Variants in CENPE observed in about 807,000 individuals in gnomAD.
CENPE encodes centromere-associated protein E.
CENPE carries 145 observed loss-of-function variants against 336.1 expected under a neutral mutation model. The observed-to-expected ratio is 0.43, with a 90% CI of 0.38 to 0.50. The LOEUF is 0.50. Among genes scored for constraint, CENPE ranks in the 20% least tolerant of loss-of-function variants. The pLI is 0.00. For synonymous variants in CENPE, 1,013 were observed against 984.8 expected, an observed-to-expected ratio of 1.03 and a Z score of -0.54; for missense variants, 2,719 against 3,023.3, an observed-to-expected ratio of 0.90 and a Z score of 2.36.
chr4:103,158,511 T>C (rs1437191717), intron 23 of CENPE, 53 bp from the exon 24 acceptor site: 34 of 1,508,176 alleles, frequency 2.3e-5, no homozygotes, highest in Non-Finnish European at 3.0e-5. Context: ...AACAAAATTA[T>C]TTTGTAGCTA....
intron 45 of CENPE, among the ~76,000 whole-genome samples, chr4:103,115,430 G>A (rs916155934): frequency 5.9e-5 from 9 of 152,112 alleles, no homozygotes; most frequent in South Asian, 2.1e-4. Context: ...CACCGTGCCC[G>A]GCCCTGCTGA....
rs1162570494 is a variant in CENPE, at chr4:103,133,807, T to A, written c.6608A>T (p.Glu2203Val). 2 of 1,607,330 alleles carry A rather than the reference T, an allele frequency of 1.2e-6. No individual in the cohort carries two copies. Among genetic ancestry groups the A allele is most frequent in the African/African-American group, 2.7e-5 (2 of 74,806 alleles). Residue 2203 changes from glutamate (E) to valine (V), a missense_variant, in exon 41 of 49, where the codon GAA becomes GTA. Glu to Val is a moderately radical substitution (Grantham distance 121). Around this residue, in one of 5 missense-constraint regions of CENPE, gnomAD observed 2,437 missense variants for 2,513.3 expected, o/e 0.97. Transcript: ENST00000265148. Reference sequence around the variant, plus strand: ...TTTAATTAGCAATTCCTTTTGCTTTTCCACTTCATCAATAAAATCCATTTC... The same window carrying A: ...TTTAATTAGCAATTCCTTTTGCTTTACCACTTCATCAATAAAATCCATTTC... ...KFEMDFIDEV[E>V]KQKELLIKIQ...
chr4:103,140,341 A>T lies in CENPE; in HGVS notation c.5828T>A (p.Leu1943His), dbSNP rs1752437985. ...TGTCTTTTCTGAAATTTTTTCTCTAAGTTTATCAACAGTTTCTTTGTGTTC... is the reference window on the plus strand; with the variant it reads ...TGTCTTTTCTGAAATTTTTTCTCTATGTTTATCAACAGTTTCTTTGTGTTC... ...SKEHKETVDK[L>H]REKISEKTIQ... Residue 1943 changes from leucine (L) to histidine (H), a missense_variant, in exon 37 of 49, where the codon CTT becomes CAT. Physicochemically the swap from Leu to His is moderately conservative, Grantham distance 99. Transcript: ENST00000265148. The T allele has an allele frequency of 6.2e-7, 1 of 1,607,106 alleles. No homozygotes were observed. Among genetic ancestry groups the T allele is most frequent in the Admixed American group, 1.7e-5 (1 of 59,452 alleles).
At chr4:103,186,909 C>T (rs1404257725) in intron 8 of CENPE, among the ~76,000 whole-genome samples, 3 of 152,068 alleles carry the variant, frequency 2.0e-5, no homozygotes, top group Admixed American at 6.6e-5. Flanking sequence ...AACACTTAGT[C>T]ACAAAGCAGA....
In CENPE at chr4:103,138,448, T is replaced by C. The variant is rs764908779; in HGVS notation, c.6206A>G (p.Asp2069Gly). 12 of 1,611,212 alleles carry C rather than the reference T, an allele frequency of 7.4e-6. No homozygotes were observed. In the African/African-American group the frequency reaches 1.5e-4, roughly 20 times the overall value. The change falls in exon 39 of 49, where the codon GAC (aspartate) becomes GGC (glycine). Residue 2069 changes from aspartate (D) to glycine (G), a missense_variant and splice_region_variant. This residue lies in a region of CENPE where 2,437 missense variants were observed against 2,513.3 expected (regional missense o/e 0.97). Transcript: ENST00000265148. ...AGGTTTTACTTGGTGGTTCTGTCGGTCCTGCTTTGGTAAAAAGAAAATAAA... is the reference window on the plus strand; with the variant it reads ...AGGTTTTACTTGGTGGTTCTGTCGGCCCTGCTTTGGTAAAAAGAAAATAAA... ...IATLREMIAR[D>G]RQNHQVKPEK... is the part of the protein sequence containing the mutation.
rs981186715 is a variant in CENPE, at chr4:103,138,420, T to C, written c.6234A>G (p.Glu2078=). 2.5e-6 allele frequency: 4 copies of C among 1,613,666 alleles called. No homozygotes were observed. The highest frequency in any genetic ancestry group is 2.7e-5 in the African/African-American group (2 of 74,920). ...GTTGTCCATCACTTAGTAACCTTTT[T>C]TCAGGTTTTACTTGGTGGTTCTGTC... ...RDRQNHQVKP[E]KRLLSDGQQH... is the part of the protein sequence containing the mutation. The change falls in exon 39 of 49, where the codon GAA becomes GAG. Residue 2078 remains glutamate (E), a synonymous_variant. Coordinates refer to ENST00000265148, the MANE Select transcript of CENPE (RefSeq NM_001813.3).
chr4:103,178,216 T>C (rs1443662476), intron 13 of CENPE, among the ~76,000 whole-genome samples: 1 of 152,080 alleles, frequency 6.6e-6, no homozygotes, highest in African/African-American at 2.4e-5. Context: ...TTCAAGACCT[T>C]TATCAGCCTC....
chr4:103,116,666 C>T lies in CENPE; in HGVS notation c.7353G>A (p.Lys2451=), dbSNP rs199627155. The T allele has an allele frequency of 6.3e-7, 1 of 1,582,740 alleles. No homozygotes were observed. The highest frequency in any genetic ancestry group is 1.9e-5 in the Admixed American group (1 of 53,440). ...GATCTTCAATTTCTTCTTTATATGG[C>T]TTAGCTCCTAAAGCAACTTTGTCCT... The part of the protein sequence containing the change: ...VLQDKVALGA[K]PYKEEIEDLK... Residue 2451 remains lysine, a synonymous_variant, in exon 45 of 49, where the codon AAG becomes AAA. Transcript: ENST00000265148.
intron 8 of CENPE, among the ~76,000 whole-genome samples, chr4:103,193,938 T>G (rs1757550054): frequency 6.6e-6 from 1 of 151,950 alleles, no homozygotes; most frequent in Admixed American, 6.6e-5. Flanking sequence ...TAGAAAAAAA[T>G]TCTACTGCAT....
rs72665048 is a variant in CENPE, at chr4:103,108,582, G to C, written c.8011+221C>G. On this transcript the variant is annotated intron_variant, in intron 48 of 48. Transcript: ENST00000265148. ...TTTGGACGAAACTAAAGGCTTAAAG[G>C]GTAGACTAAAGACTTCACTTGGGGT... Among the ~76,000 whole-genome samples the C allele has an allele frequency of 0.15, 22,220 of 146,592 alleles. 1,942 individuals carry two copies. The highest frequency in any genetic ancestry group is 0.31 in the South Asian group (1,465 of 4,726).
chr4:103,163,242 T>G lies in CENPE; in HGVS notation c.1737A>C (p.Ser579=). Residue 579 remains serine, a synonymous_variant, in exon 18 of 49, where the codon TCA becomes TCC. Coordinates refer to ENST00000265148, the MANE Select transcript of CENPE (RefSeq NM_001813.3). The part of the protein sequence containing the change: ...YNQDLENELS[S]KVELLREKED... The stretch of plus-strand genomic sequence containing the variant: ...CCTTTTCTCTAAGCAGCTCTACTTT[T>G]GAACTGAGTTCATTCTAAAAGAATC... 1.2e-6 allele frequency: 2 copies of G among 1,608,514 alleles called. No homozygotes were observed. Among genetic ancestry groups the G allele is most frequent in the Admixed American group, 1.7e-5 (1 of 59,578 alleles).
At chr4:103,147,667 C>T (rs893393794) in intron 28 of CENPE, 21 bp from the exon 29 acceptor site, 17 of 1,584,984 alleles carry the variant, frequency 1.1e-5, no homozygotes, top group Non-Finnish European at 1.4e-5. Flanking sequence ...TCATAAAATA[C>T]CAAGGTTACT....
chr4:103,194,646 T>A lies in CENPE; in HGVS notation c.516A>T (p.Val172=). The A allele has an allele frequency of 6.2e-7, 1 of 1,609,576 alleles. No homozygotes were observed. Among genetic ancestry groups the A allele is most frequent in the Non-Finnish European group, 8.5e-7 (1 of 1,178,308 alleles). Residue 172 remains valine (V), a synonymous_variant, in exon 6 of 49, where the codon GTA becomes GTT. Transcript: ENST00000265148. ...ATTTCAAAGCCATTTCTGATGTATA[T>A]ACAACTTCTTCTGTGAGATCAGCAA... is the stretch of plus-strand genomic sequence containing the variant. ...VYVADLTEEV[V]YTSEMALKWI...
Position 103,131,170 on chromosome 4 carries a change from T to C in CENPE, c.6924+1523A>G, listed in dbSNP as rs1578570942. Among the ~76,000 whole-genome samples the C allele has an allele frequency of 5.9e-5, 9 of 152,184 alleles. No homozygotes were observed. The South Asian group carries it at 1.9e-3, about 32-fold the overall frequency. ...AGTGAGAAGACAAGCCACAGATTGG[T>C]AGAATATATTTCCAAGACACATCTG... On this transcript the variant is annotated intron_variant, in intron 42 of 48. Coordinates refer to ENST00000265148, the MANE Select transcript of CENPE (RefSeq NM_001813.3).
In CENPE at chr4:103,190,945, GA is replaced by G. The variant is rs577578830; in HGVS notation, c.693+3283del. Among the ~76,000 whole-genome samples, 300 of 129,684 alleles carry G rather than the reference GA, an allele frequency of 2.3e-3. 3 individuals are homozygous for G. Among genetic ancestry groups the G allele is most frequent in the African/African-American group, 6.7e-3 (241 of 35,704 alleles). The allele number at this position is 129,684 out of a possible 152,430, so 85.1% of individuals were successfully genotyped here. A position where few individuals can be genotyped will look rare whatever the true frequency, so the allele number is the denominator to read the frequency against. On this transcript the variant is annotated intron_variant, in intron 8 of 48. Transcript: ENST00000265148. ...TATATAAAGAACTCAAACAAATTTAGAAAAAAAAAAAACAAACAACCACATC... is the reference window on the plus strand; with the variant it reads ...TATATAAAGAACTCAAACAAATTTAGAAAAAAAAAAACAAACAACCACATC...
intron 14 of CENPE, among the ~76,000 whole-genome samples, chr4:103,176,358 A>G (rs980318793): frequency 2.0e-5 from 3 of 152,120 alleles, no homozygotes; most frequent in African/African-American, 7.2e-5. Context: ...CCCCCAACAG[A>G]CTGTACTATT....
chr4:103,193,367 T>C (rs1484406641), intron 8 of CENPE, among the ~76,000 whole-genome samples: 1 of 152,106 alleles, frequency 6.6e-6, no homozygotes, highest in Non-Finnish European at 1.5e-5. Context: ...AAGGTGAAAT[T>C]AGGATTGAAT....
At chr4:103,153,870 A>T (rs1184186837) in intron 24 of CENPE, among the ~76,000 whole-genome samples, 1 of 152,142 alleles carries the variant, frequency 6.6e-6, no homozygotes, top group Non-Finnish European at 1.5e-5. Flanking sequence ...GAGTTTTATT[A>T]TATGTAGGGG....
intron 12 of CENPE, among the ~76,000 whole-genome samples, chr4:103,180,684 T>C (rs1444770576): frequency 6.6e-6 from 1 of 152,216 alleles, no homozygotes; most frequent in Non-Finnish European, 1.5e-5. Flanking sequence ...TTTCTTCTCA[T>C]GTAACTATTC....
Sources: allele counts gnomAD v4.1 joint callset (sites outside exome capture counted in the v4.1 genomes callset), GRCh38; gene constraint gnomAD v4.1.1; regional missense constraint gnomAD v4.1.1; transcripts MANE v1.5; gene names NCBI Gene and HGNC (gene_info 2026-07-23, HGNC 2026-07-21).